The following CADPS2 variants were observed in gnomAD, a reference collection of about 807,000 sequenced individuals.
CADPS2 encodes calcium dependent secretion activator 2.
In CADPS2, 93 loss-of-function variants were observed where a neutral mutation model predicts 172.5. The ratio of observed to expected loss-of-function variants is 0.54; its 90% confidence interval spans 0.46 to 0.64. The LOEUF (loss-of-function observed/expected upper bound fraction) is 0.64, where lower values mean the gene tolerates loss of function less well. Among genes scored for constraint, CADPS2 ranks in the 30% least tolerant of loss-of-function variants. The probability of loss-of-function intolerance (pLI) is 0.00; values close to 1 mark genes in which losing one functional copy is unlikely to be tolerated. For missense variants in CADPS2, 1,420 were observed against 1,565.9 expected, an observed-to-expected ratio of 0.91 and a Z score of 1.57; for synonymous variants, 546 against 555.2, an observed-to-expected ratio of 0.98 and a Z score of 0.23.
At chr7:122,649,407 T>C (rs974072205) in intron 3 of CADPS2, among the ~76,000 whole-genome samples, 1 of 152,178 alleles carries the variant, frequency 6.6e-6, no homozygotes, top group Non-Finnish European at 1.5e-5. Context: ...CAGCTTCCCC[T>C]ACATTAGATG....
intron 3 of CADPS2, among the ~76,000 whole-genome samples, chr7:122,655,794 G>A (rs2079688534): frequency 1.3e-5 from 2 of 152,128 alleles, no homozygotes; most frequent in South Asian, 2.1e-4. Flanking sequence ...CTTATTTACA[G>A]GGGTACTCTT....
At chr7:122,347,924 C>T (rs546518553) in intron 27 of CADPS2, among the ~76,000 whole-genome samples, 16 of 152,284 alleles carry the variant, frequency 1.1e-4, no homozygotes, top group Non-Finnish European at 1.6e-4. Flanking sequence ...TGCTGCAGAA[C>T]GAAAGTGACA....
At chr7:122,856,627 G>A (rs1046868173) in intron 1 of CADPS2, among the ~76,000 whole-genome samples, 1 of 151,908 alleles carries the variant, frequency 6.6e-6, no homozygotes, top group Non-Finnish European at 1.5e-5. Flanking sequence ...CAATACTGGG[G>A]CCAGCAATGG....
At chr7:122,551,512 A>G (rs1188892990) in intron 8 of CADPS2, among the ~76,000 whole-genome samples, 1 of 152,104 alleles carries the variant, frequency 6.6e-6, no homozygotes, top group Non-Finnish European at 1.5e-5. Context: ...AACAGAGAAT[A>G]CATGTTACAA....
intron 2 of CADPS2, among the ~76,000 whole-genome samples, chr7:122,716,039 T>C (rs2089550762): frequency 6.6e-6 from 1 of 152,138 alleles, no homozygotes; most frequent in African/African-American, 2.4e-5. Flanking sequence ...AAAAAGTATG[T>C]GAGGTGATAA....
chr7:122,604,976 C>G (rs948981131), intron 6 of CADPS2, among the ~76,000 whole-genome samples: 1 of 152,060 alleles, frequency 6.6e-6, no homozygotes, highest in African/African-American at 2.4e-5. Context: ...TACCACAAAC[C>G]TAGGGTATTT....
At chr7:122,571,665 T>G (rs1208766102) in intron 7 of CADPS2, among the ~76,000 whole-genome samples, 1 of 152,156 alleles carries the variant, frequency 6.6e-6, no homozygotes, top group East Asian at 1.9e-4. Flanking sequence ...GCATCTTATG[T>G]GAATTAGCCC....
chr7:122,819,407 T>C lies in CADPS2; in HGVS notation c.339+66592A>G, dbSNP rs190752382. ...GCGGCTGAAGACTGACACTGCCCGATCGCCTTGGAAGCCCCCTAGACCATC... is the reference window on the plus strand; with the variant it reads ...GCGGCTGAAGACTGACACTGCCCGACCGCCTTGGAAGCCCCCTAGACCATC... On this transcript the variant is annotated intron_variant, in intron 1 of 29. Coordinates refer to ENST00000449022, the MANE Select transcript of CADPS2 (RefSeq NM_017954.11). 7.7e-3 allele frequency among the ~76,000 whole-genome samples: 1,173 copies of C among 152,236 alleles called. 7 individuals are homozygous for C. Among genetic ancestry groups the C allele is most frequent in the Middle Eastern group, 0.014 (4 of 294 alleles).
intron 18 of CADPS2, 131 bp from the exon 19 acceptor site, chr7:122,414,207 T>C: frequency 5.6e-6 from 3 of 534,002 alleles, no homozygotes; most frequent in Non-Finnish European, 9.3e-6. Flanking sequence ...TTATGAATAA[T>C]GATTATCTCT....
At position 122,416,137 on chromosome 7, in the gene CADPS2, C is replaced by G. The variant is rs1321748871; in HGVS notation, c.2504G>C (p.Arg835Thr). The change falls in exon 18 of 30, where the codon AGA becomes ACA. Residue 835 changes from arginine (R) to threonine (T), a missense_variant. Physicochemically the swap from Arg to Thr is moderately conservative, Grantham distance 71. Coordinates refer to ENST00000449022, the MANE Select transcript of CADPS2 (RefSeq NM_017954.11). Reference protein sequence around the residue: ...EETMNQASPARKLEEILHLAE... With the variant: ...EETMNQASPATKLEEILHLAE... The stretch of plus-strand genomic sequence containing the variant: ...CAGATGAAGAATCTCTTCCAGCTTT[C>G]TAGCAGGAGATGCCTGGTTCATGGT... 6.5e-7 allele frequency: 1 copy of G among 1,550,144 alleles called. No individual in the cohort carries two copies. The highest frequency in any genetic ancestry group is 1.2e-5 in the South Asian group (1 of 84,330).
chr7:122,420,315 T>C (rs2048395034), intron 17 of CADPS2, among the ~76,000 whole-genome samples: 1 of 152,220 alleles, frequency 6.6e-6, no homozygotes, highest in African/African-American at 2.4e-5. Context: ...TGTGACACTA[T>C]CTTAAGTACA....
At chr7:122,760,462 A>C (rs1023734427) in intron 1 of CADPS2, among the ~76,000 whole-genome samples, 6 of 152,132 alleles carry the variant, frequency 3.9e-5, no homozygotes, top group African/African-American at 1.2e-4. Context: ...AAAATTTTGG[A>C]AACTGGAAAA....
At chr7:122,765,657 T>C (rs956452561) in intron 1 of CADPS2, among the ~76,000 whole-genome samples, 2 of 152,144 alleles carry the variant, frequency 1.3e-5, no homozygotes, top group African/African-American at 4.8e-5. Flanking sequence ...GAGGACTGTA[T>C]AGAACAACAA....
At chr7:122,331,876 C>G (rs1014040954) in intron 28 of CADPS2, 1 of 152,120 alleles carries the variant, frequency 6.6e-6, no homozygotes, top group Non-Finnish European at 1.5e-5. Context: ...GCTCATAACT[C>G]CTGTGTTATT....
intron 27 of CADPS2, among the ~76,000 whole-genome samples, chr7:122,349,865 G>A (rs1028135558): frequency 1.3e-5 from 2 of 152,190 alleles, no homozygotes; most frequent in Non-Finnish European, 2.9e-5. Flanking sequence ...GTAGATGGGT[G>A]CAACACTGCA....
chr7:122,369,127 T>TCC (rs68130351), intron 25 of CADPS2, among the ~76,000 whole-genome samples: 96 of 49,738 alleles, frequency 1.9e-3, no homozygotes, highest in Non-Finnish European at 2.4e-3. Flanking sequence ...AATTTTTGTT[T>TCC]CCCCCCCCCC....
In CADPS2 at chr7:122,319,068, G is replaced by A. The variant is rs1038237211; in HGVS notation, c.*1097C>T. The A allele has an allele frequency of 2.0e-5, 3 of 152,032 alleles. No individual in the cohort carries two copies. Among genetic ancestry groups the A allele is most frequent in the Admixed American group, 6.6e-5 (1 of 15,264 alleles). The allele number at this position is 152,032 out of a possible 1,614,324, so 9.4% of individuals were successfully genotyped here. A position where few individuals can be genotyped will look rare whatever the true frequency, so the allele number is the denominator to read the frequency against. On this transcript the variant is annotated 3_prime_UTR_variant, in exon 30 of 30. Coordinates refer to ENST00000449022, the MANE Select transcript of CADPS2 (RefSeq NM_017954.11). ...ATATTTTGAGAGAACCACTAATAAT[G>A]TGAATTACTAGTTAATATTACTAAC...
intron 11 of CADPS2, among the ~76,000 whole-genome samples, chr7:122,487,376 T>A (rs1440787482): frequency 6.6e-6 from 1 of 152,148 alleles, no homozygotes; most frequent in African/African-American, 2.4e-5. Flanking sequence ...GAGATATTCA[T>A]CTTATTGCAG....
intron 1 of CADPS2, among the ~76,000 whole-genome samples, chr7:122,741,827 A>G (rs983310119): frequency 1.3e-5 from 2 of 152,206 alleles, no homozygotes; most frequent in African/African-American, 2.4e-5. Context: ...ACTATACACT[A>G]TCTAAGACAA....
Sources: allele counts gnomAD v4.1 joint callset (sites outside exome capture counted in the v4.1 genomes callset), GRCh38; gene constraint gnomAD v4.1.1; transcripts MANE v1.5; gene names NCBI Gene and HGNC (gene_info 2026-07-23, HGNC 2026-07-21).